ZNF565: variants seen among roughly 807,000 people sequenced by gnomAD.
ZNF565 encodes zinc finger protein 565.
Under a neutral mutation model 39.4 loss-of-function variants are expected in ZNF565, and 27 were observed. The ratio of observed to expected loss-of-function variants is 0.69; its 90% CI spans 0.51 to 0.95. The LOEUF is 0.95. Among genes scored for constraint, ZNF565 ranks in the 40% least tolerant of loss-of-function variants. ZNF565 has a pLI of 0.00. For synonymous variants in ZNF565, 185 were observed against 216.6 expected (o/e 0.85, Z 1.28); for missense variants, 524 against 621.1 (o/e 0.84, Z 1.66).
upstream of ZNF565, among the ~76,000 whole-genome samples, chr19:36,216,229 G>C (rs1218175854): frequency 6.6e-6 from 1 of 152,112 alleles, no homozygotes; most frequent in African/African-American, 2.4e-5. Flanking sequence ...AAACTTAAAG[G>C]TTCAGAACTA....
chr19:36,183,542 A>T lies in ZNF565; in HGVS notation c.424T>A (p.Tyr142Asn). The T allele has an allele frequency of 6.2e-7, 1 of 1,614,202 alleles. No homozygotes were observed. The highest frequency in any genetic ancestry group is 1.1e-5 in the South Asian group (1 of 91,086). The change falls in exon 5 of 5, where the codon TAT (tyrosine) becomes AAT (asparagine). Residue 142 changes from tyrosine (Y) to asparagine (N), a missense_variant. Physicochemically the swap from Tyr to Asn is moderately radical, Grantham distance 143. Transcript: ENST00000304116. ...ECYFKQVNVT[Y>N]GHMPVFQHHT... is the part of the protein sequence containing the mutation. ...TGCTGGAACACGGGCATATGTCCAT[A>T]GGTGACGTTCACTTGCTTAAAATAG...
chr19:36,219,525 T>C (rs768522616), upstream of ZNF565, among the ~76,000 whole-genome samples: 4 of 152,184 alleles, frequency 2.6e-5, no homozygotes, highest in African/African-American at 4.8e-5. Flanking sequence ...TTAATTCTAA[T>C]TGTGATTGAT....
chr19:36,216,339 T>A (rs561367259), upstream of ZNF565, among the ~76,000 whole-genome samples: 1 of 152,280 alleles, frequency 6.6e-6, no homozygotes, highest in Admixed American at 6.5e-5. Context: ...TAAGTGAATG[T>A]ATTAATTTAC....
chr19:36,201,832 C>T (rs542311132), intron 2 of ZNF565, 145 bp downstream of exon 2: 25 of 892,286 alleles, frequency 2.8e-5, no homozygotes, highest in African/African-American at 1.7e-4. Flanking sequence ...AGAGGGCCAC[C>T]GAGGGACTTG....
chr19:36,221,927 C>CTTTT lies in ZNF565; in HGVS notation c.56-19881_56-19878dup, dbSNP rs60347994. 2.4e-3 allele frequency among the ~76,000 whole-genome samples: 266 copies of CTTTT among 109,838 alleles called. 1 individual carries two copies. The highest frequency in any genetic ancestry group is 3.1e-3 in the East Asian group (11 of 3,576). The allele number at this position is 109,838 out of a possible 152,430, so 72.1% of individuals were successfully genotyped here. On this transcript the variant is annotated intron_variant, in intron 1 of 4. Coordinates refer to the ZNF565 transcript ENST00000355114. ...AGAGATAGCCCTTCCTTTTTTCTTT[C>CTTTT]TTTTTTTTTTTTTTTTTTTTTTGAA...
At chr19:36,215,102 C>T (rs1375300766), upstream of ZNF565, 3 of 152,390 alleles carry the variant, frequency 2.0e-5, no homozygotes, top group South Asian at 2.1e-4. Flanking sequence ...CTTCCTCGCT[C>T]TCCGAGTGCG....
At chr19:36,210,227 CCTGA>C (rs1202132631) in intron 1 of ZNF565, among the ~76,000 whole-genome samples, 6 of 151,622 alleles carry the variant, frequency 4.0e-5, no homozygotes, top group African/African-American at 7.3e-5. Flanking sequence ...TTGAGACCAG[CCTGA>C]CTATCATGAC....
intron 1 of ZNF565, among the ~76,000 whole-genome samples, chr19:36,233,626 G>C (rs1286078375): frequency 1.3e-5 from 2 of 152,098 alleles, no homozygotes; most frequent in South Asian, 2.1e-4. Context: ...GCAGGAAAAC[G>C]TGAACAAATG....
At chr19:36,184,898 G>A (rs1975232584) in intron 4 of ZNF565, among the ~76,000 whole-genome samples, 2 of 151,896 alleles carry the variant, frequency 1.3e-5, no homozygotes, top group Non-Finnish European at 2.9e-5. Context: ...CAAATGGATC[G>A]CTTGAGGTCA....
chr19:36,202,137 T>C, intron 1 of ZNF565, 87 bp from the exon 2 acceptor site: 1 of 746,946 alleles, frequency 1.3e-6, no homozygotes, highest in Non-Finnish European at 2.4e-6. Flanking sequence ...CTTAAAAGAA[T>C]TGTACTTCCA....
chr19:36,200,107 C>T (rs202047466), intron 2 of ZNF565, among the ~76,000 whole-genome samples: 1 of 151,796 alleles, frequency 6.6e-6, no homozygotes, highest in African/African-American at 2.4e-5. Flanking sequence ...CTCACTGCAA[C>T]CTCTGCCTCC....
rs1428622229 is a variant in ZNF565 at position 36,237,440 on chromosome 19, A to G, written c.55+8036T>C. On this transcript the variant is annotated intron_variant, in intron 1 of 4. Transcript: ENST00000355114. ...AATGAGGTTAACTTTAACAAGTACT[A>G]AAAACTTAAGGGACACCAGAAAATT... is the stretch of plus-strand genomic sequence containing the variant. 10 of 1,291,420 alleles carry G rather than the reference A, an allele frequency of 7.7e-6. No individual in the cohort carries two copies. The East Asian group carries it at 1.3e-4, about 16-fold the overall frequency. The allele number at this position is 1,291,420 out of a possible 1,614,324, so 80.0% of individuals were successfully genotyped here.
intron 4 of ZNF565, 131 bp downstream of exon 4, chr19:36,194,102 C>T (rs1035371728): frequency 9.4e-6 from 6 of 636,776 alleles, no homozygotes; most frequent in African/African-American, 1.8e-5. Context: ...AGTCTTTACT[C>T]GCCACATCTT....
chr19:36,207,465 A>T (rs758479193), intron 1 of ZNF565, among the ~76,000 whole-genome samples: 1 of 152,014 alleles, frequency 6.6e-6, no homozygotes, highest in Non-Finnish European at 1.5e-5. Context: ...GTTTGAAGCC[A>T]GGAGGCGGAG....
chr19:36,237,525 A>C, intron 1 of ZNF565: 1 of 482,554 alleles, frequency 2.1e-6, no homozygotes, highest in South Asian at 5.6e-5. Context: ...AGAAACCTGC[A>C]GCAGAGATAA....
chr19:36,212,610 G>C (rs1294208491), intron 1 of ZNF565, among the ~76,000 whole-genome samples: 2 of 151,148 alleles, frequency 1.3e-5, no homozygotes, highest in African/African-American at 4.9e-5. Context: ...TGACAGAGCA[G>C]GACTCCGTCT....
chr19:36,201,186 T>C (rs1482974565), intron 2 of ZNF565, among the ~76,000 whole-genome samples: 1 of 151,990 alleles, frequency 6.6e-6, no homozygotes, highest in African/African-American at 2.4e-5. Context: ...GCTCTGGTCC[T>C]AGCTACTTGG....
intron 4 of ZNF565, among the ~76,000 whole-genome samples, chr19:36,184,163 T>C (rs17639574): frequency 2.0e-5 from 3 of 146,674 alleles, no homozygotes; most frequent in African/African-American, 7.6e-5. Context: ...CTTATATACA[T>C]CTCAAATATT....
Position 36,227,067 on chromosome 19 carries a change from G to C in ZNF565, c.55+18409C>G, listed in dbSNP as rs143269184. ...CACTGCGCTCCAGCCTGGGCAACAA[G>C]AGTAAAACTCCATCTCAAAAAAAAA... On this transcript the variant is annotated intron_variant, in intron 1 of 4. Transcript: ENST00000355114. Among the ~76,000 whole-genome samples, 142 of 142,180 alleles carry C rather than the reference G, an allele frequency of 1.0e-3. 3 individuals are homozygous for C. The East Asian group carries it at 0.028, about 28-fold the overall frequency. The allele number at this position is 142,180 out of a possible 152,430, so 93.3% of individuals were successfully genotyped here.
Sources: allele counts gnomAD v4.1 joint callset (sites outside exome capture counted in the v4.1 genomes callset), GRCh38; gene constraint gnomAD v4.1.1; transcripts MANE v1.5; gene names NCBI Gene and HGNC (gene_info 2026-07-23, HGNC 2026-07-21).